Variants in GSR observed in about 807,000 individuals in gnomAD.
GSR encodes glutathione-disulfide reductase, also known as glutathione reductase, mitochondrial.
A neutral mutation model predicts 56.5 loss-of-function variants in GSR; 48 were observed. That is an observed-to-expected ratio of 0.85 (90% CI 0.67 to 1.08). The LOEUF (loss-of-function observed/expected upper bound fraction) is 1.08. Among genes scored for constraint, GSR ranks in the 50% least tolerant of loss-of-function variants. GSR has a pLI of 0.00. For missense variants in GSR, 694 were observed against 703.3 expected (o/e 0.99, Z 0.15); for synonymous variants, 264 against 270.8 (o/e 0.97, Z 0.25).
intron 2 of GSR, 46 bp from the exon 3 acceptor site, chr8:30,709,948 G>A (rs536644853): frequency 4.9e-6 from 5 of 1,014,132 alleles, no homozygotes; most frequent in South Asian, 4.1e-5. Context: ...CAGTAAATCA[G>A]TCCTGAGGGA....
chr8:30,679,862 C>G (rs574958385), intron 12 of GSR, among the ~76,000 whole-genome samples, 193 bp from the exon 13 acceptor site: 1 of 151,354 alleles, frequency 6.6e-6, no homozygotes, highest in Non-Finnish European at 1.5e-5. Context: ...CGCACCACCA[C>G]GCCTGGCTAA....
Position 30,712,107 on chromosome 8 carries a change from G to C in GSR, c.307-19C>G. ...CATTCACCTGGAAAAAAAAAAAAGA[G>C]ACACACTTTAAGAATATTGAATTCA... On this transcript the variant is annotated intron_variant, in intron 1 of 12. Transcript: ENST00000221130. 7.4e-7 allele frequency: 1 copy of C among 1,347,404 alleles called. No individual in the cohort carries two copies. The highest frequency in any genetic ancestry group is 1.9e-5 in the Admixed American group (1 of 53,454). The allele number at this position is 1,347,404 out of a possible 1,614,324, so 83.5% of individuals were successfully genotyped here.
In GSR at chr8:30,720,927, G is replaced by A. The variant is rs919312851; in HGVS notation, c.306+6603C>T. Among the ~76,000 whole-genome samples, 6 of 152,052 alleles carry A rather than the reference G, an allele frequency of 3.9e-5. No homozygotes were observed. The East Asian group carries it at 1.2e-3, about 30-fold the overall frequency. On this transcript the variant is annotated intron_variant, in intron 1 of 12. Transcript: ENST00000221130. ...TCCTTTGAGCCCAGGAGTTTGAGAG[G>A]AGCCTGGACAACACAGCGAGACCCC...
intron 1 of GSR, among the ~76,000 whole-genome samples, chr8:30,724,324 G>T (rs1458769546): frequency 1.3e-5 from 2 of 152,100 alleles, no homozygotes; most frequent in Non-Finnish European, 2.9e-5. Context: ...TGAGTCACTG[G>T]TTTGCTCAAA....
At chr8:30,725,914 G>A (rs972619926) in intron 1 of GSR, among the ~76,000 whole-genome samples, 1 of 151,252 alleles carries the variant, frequency 6.6e-6, no homozygotes, top group African/African-American at 2.4e-5. Context: ...TTCATAACAG[G>A]AAGGTAAAGT....
chr8:30,706,870 C>T (rs1803937985), intron 4 of GSR: 1 of 152,214 alleles, frequency 6.6e-6, no homozygotes, highest in Non-Finnish European at 1.5e-5. Context: ...GGTGCGGTAG[C>T]TCACGCCTAT....
At position 30,681,997 on chromosome 8, in the gene GSR, T is replaced by G; in HGVS notation, c.1218A>C (p.Leu406Phe). 6.2e-7 allele frequency: 1 copy of G among 1,613,130 alleles called. No homozygotes were observed. ...RLFEYKEDSK[L>F]DYNNIPTVVF... ...CCACAGTTGGGATGTTGTTATAATC[T>G]AATTTGGAATCTTCCTTATATTCAA... Residue 406 changes from leucine (L) to phenylalanine (F), a missense_variant, in exon 11 of 13, where the codon TTA becomes TTC. Coordinates refer to ENST00000221130, the MANE Select transcript of GSR (RefSeq NM_000637.5).
chr8:30,717,008 C>T (rs1001504492), intron 1 of GSR, among the ~76,000 whole-genome samples: 5 of 152,048 alleles, frequency 3.3e-5, no homozygotes, highest in African/African-American at 9.7e-5. Flanking sequence ...GAGGCCGAGG[C>T]GGGCAGATCA....
At chr8:30,721,126 A>T (rs889917256) in intron 1 of GSR, among the ~76,000 whole-genome samples, 11 of 149,274 alleles carry the variant, frequency 7.4e-5, no homozygotes, top group African/African-American at 2.7e-4. Context: ...AAATAAAAAT[A>T]ATTGTTACGG....
intron 10 of GSR, 111 bp from the exon 11 acceptor site, chr8:30,682,172 C>T: frequency 1.1e-6 from 1 of 885,032 alleles, no homozygotes; most frequent in Non-Finnish European, 1.9e-6. Context: ...CTGACAGTTT[C>T]ACACCATTGT....
chr8:30,711,820 C>T (rs968680895), intron 2 of GSR, among the ~76,000 whole-genome samples: 4 of 151,328 alleles, frequency 2.6e-5, no homozygotes, highest in Non-Finnish European at 5.9e-5. Context: ...GTGACAAGAA[C>T]GAAACTCCGT....
Position 30,703,052 on chromosome 8 carries a change from ACT to A in GSR, c.640+39_640+40del, listed in dbSNP as rs747021859. The A allele has an allele frequency of 4.4e-6, 7 of 1,603,146 alleles. No individual in the cohort carries two copies. The African/African-American group carries it at 8.1e-5, about 18-fold the overall frequency. ...CTTTTCAGGTTGAAAGCAACAGTAA[ACT>A]CCTGACTGCTGTTAATGAGTACCTG... On this transcript the variant is annotated intron_variant, in intron 5 of 12. Transcript: ENST00000221130.
intron 1 of GSR, among the ~76,000 whole-genome samples, 182 bp downstream of exon 1, chr8:30,727,348 C>G (rs1305994573): frequency 6.6e-6 from 1 of 152,220 alleles, no homozygotes; most frequent in Non-Finnish European, 1.5e-5. Context: ...CAGAGAAGCC[C>G]CCGGACGCCT....
At chr8:30,684,498 G>GA (rs966151682) in intron 9 of GSR, among the ~76,000 whole-genome samples, 91 of 147,938 alleles carry the variant, frequency 6.2e-4, no homozygotes, top group Middle Eastern at 3.4e-3. Flanking sequence ...TTAGAAATTA[G>GA]AAAAAAAAAA....
chr8:30,716,769 T>G (rs1034396970), intron 1 of GSR, among the ~76,000 whole-genome samples: 1 of 152,042 alleles, frequency 6.6e-6, no homozygotes, highest in Admixed American at 6.6e-5. Context: ...ATAGCACCAC[T>G]GCACTCCAGC....
chr8:30,709,331 C>T (rs569820892), intron 3 of GSR, among the ~76,000 whole-genome samples: 4 of 152,320 alleles, frequency 2.6e-5, no homozygotes, highest in African/African-American at 9.6e-5. Context: ...CACCACTGCA[C>T]TCCAGCGTGG....
chr8:30,713,602 A>T (rs902376128), intron 1 of GSR, among the ~76,000 whole-genome samples: 4 of 152,110 alleles, frequency 2.6e-5, no homozygotes, highest in Non-Finnish European at 4.4e-5. Flanking sequence ...CAAGTGATCC[A>T]CACACCTTGG....
chr8:30,685,097 C>T (rs915290571), intron 9 of GSR, among the ~76,000 whole-genome samples: 1 of 151,786 alleles, frequency 6.6e-6, no homozygotes, highest in African/African-American at 2.4e-5. Context: ...GTAGCTGGGA[C>T]TACAGGTGCC....
rs1803075605 is a variant in GSR at position 30,684,150 on chromosome 8, T to G, written c.1091A>C (p.Asn364Thr). The change falls in exon 10 of 13, where the codon AAT (asparagine) becomes ACT (threonine). Residue 364 changes from asparagine (N) to threonine (T), a missense_variant. Asn to Thr is a moderately conservative substitution (Grantham distance 65). Coordinates refer to ENST00000221130, the MANE Select transcript of GSR (RefSeq NM_000637.5). Reference sequence around the variant, plus strand: ...TGCATAGATGCCTTTGACGTTGGTATTCTGGAATTCGTCTACGATGATATG... The same window carrying G: ...TGCATAGATGCCTTTGACGTTGGTAGTCTGGAATTCGTCTACGATGATATG... ...KGHIIVDEFQ[N>T]TNVKGIYAVG... The G allele has an allele frequency of 6.2e-7, 1 of 1,610,704 alleles. No individual in the cohort carries two copies. Among genetic ancestry groups the G allele is most frequent in the South Asian group, 1.1e-5 (1 of 91,006 alleles).
Sources: gnomAD v4.1 joint callset for allele counts (sites outside exome capture counted in the v4.1 genomes callset) on GRCh38, gnomAD v4.1.1 for gene constraint, MANE v1.5 for transcripts, NCBI Gene and HGNC (gene_info 2026-07-23, HGNC 2026-07-21) for gene names.